Variants in NCAM2 observed in about 807,000 individuals in gnomAD.
The protein encoded by NCAM2 is N-CAM-2.
In NCAM2, 30 loss-of-function variants were observed where a neutral mutation model predicts 98.1. The ratio of observed to expected loss-of-function variants is 0.31; its 90% CI spans 0.23 to 0.41. NCAM2 has a LOEUF of 0.41. Among genes scored for constraint, NCAM2 ranks in the 10% least tolerant of loss-of-function variants. NCAM2 has a pLI of 1.00. For synonymous variants in NCAM2, 368 were observed against 342.4 expected, an observed-to-expected ratio of 1.07 and a Z score of -0.83; for missense variants, 867 against 1,005.8, an observed-to-expected ratio of 0.86 and a Z score of 1.87.
At position 21,372,878 on chromosome 21, in the gene NCAM2, C is replaced by T. The variant is rs552660296; in HGVS notation, c.1045-985C>T. ...CAAGTCAAAGCCATGTCATGTATAA[C>T]AGGTAATTACAAGAGAACATGTTTA... On this transcript the variant is annotated intron_variant, in intron 8 of 17. Transcript: ENST00000400546. 1.1e-4 allele frequency among the ~76,000 whole-genome samples: 16 copies of T among 151,902 alleles called. No homozygotes were observed. In the South Asian group the frequency reaches 1.9e-3, roughly 18 times the overall value.
intron 1 of NCAM2, among the ~76,000 whole-genome samples, chr21:21,159,066 A>T (rs2067700782): frequency 6.6e-6 from 1 of 152,124 alleles, no homozygotes; most frequent in African/African-American, 2.4e-5. Flanking sequence ...CAGTAGGCCT[A>T]TGCTAATGGC....
intron 1 of NCAM2, among the ~76,000 whole-genome samples, chr21:21,054,291 A>C (rs2065170840): frequency 6.6e-6 from 1 of 152,008 alleles, no homozygotes; most frequent in African/African-American, 2.4e-5. Context: ...ACCACACAGT[A>C]CAGTATTTCA....
At chr21:21,200,427 C>G (rs549832689) in intron 1 of NCAM2, among the ~76,000 whole-genome samples, 1 of 137,998 alleles carries the variant, frequency 7.2e-6, no homozygotes, top group Admixed American at 7.3e-5. Context: ...AAAAAAAAAG[C>G]CTTGAAATCT....
chr21:21,251,454 C>T (rs961886820), intron 1 of NCAM2, among the ~76,000 whole-genome samples: 1 of 152,088 alleles, frequency 6.6e-6, no homozygotes, highest in African/African-American at 2.4e-5. Flanking sequence ...TGGCTTCCAG[C>T]TTCATCCATG....
chr21:21,515,229 T>C lies in NCAM2; in HGVS notation c.2282+6174T>C, dbSNP rs1317084970. On this transcript the variant is annotated intron_variant, in intron 16 of 17. Coordinates refer to ENST00000400546, the MANE Select transcript of NCAM2 (RefSeq NM_004540.5). ...ACCTTATTCTTTCACATGCAGTCCT[T>C]TTGGGTTGCTGAATATGTTTAAGCA... Among the ~76,000 whole-genome samples the C allele has an allele frequency of 7.9e-5, 12 of 152,214 alleles. No individual in the cohort carries two copies. In the East Asian group the frequency reaches 2.3e-3, roughly 29 times the overall value.
chr21:21,157,584 T>C (rs1415741379), intron 1 of NCAM2, among the ~76,000 whole-genome samples: 1 of 152,154 alleles, frequency 6.6e-6, no homozygotes, highest in Admixed American at 6.5e-5. Flanking sequence ...GAGGAATTAA[T>C]TTAATTACAC....
At chr21:21,418,706 G>A in intron 11 of NCAM2, 137 bp downstream of exon 11, 1 of 707,550 alleles carries the variant, frequency 1.4e-6, no homozygotes, top group Admixed American at 2.4e-5. Flanking sequence ...GTAGACTGTG[G>A]TTACCAGAGG....
intron 8 of NCAM2, among the ~76,000 whole-genome samples, chr21:21,354,063 G>A (rs1464082390): frequency 1.3e-5 from 2 of 152,116 alleles, no homozygotes; most frequent in Non-Finnish European, 2.9e-5. Flanking sequence ...AAACATAACA[G>A]TAAGTAATTT....
chr21:21,094,090 ATTG>A (rs535928973), intron 1 of NCAM2, among the ~76,000 whole-genome samples: 188 of 152,090 alleles, frequency 1.2e-3, no homozygotes, highest in African/African-American at 4.4e-3. Context: ...TTTGACACAA[ATTG>A]TGTACTTAAT....
At position 21,338,589 on chromosome 21, in the gene NCAM2, C is replaced by A. The variant is rs528128490; in HGVS notation, c.1044+55C>A. On this transcript the variant is annotated intron_variant, in intron 8 of 17. Transcript: ENST00000400546. ...CATTACCATGCAATTTCAGTATTTT[C>A]AATATCATTAAATCACAAATTAGTC... 2.4e-5 allele frequency: 35 copies of A among 1,449,758 alleles called. 1 individual carries two copies. The East Asian group carries it at 3.1e-4, about 13-fold the overall frequency. 89.8% of individuals were successfully genotyped at this position (1,449,758 alleles called of 1,614,324 possible). A position where few individuals can be genotyped will look rare whatever the true frequency, so the allele number is the denominator to read the frequency against.
At chr21:21,150,133 AT>A (rs1160183011) in intron 1 of NCAM2, among the ~76,000 whole-genome samples, 2 of 152,008 alleles carry the variant, frequency 1.3e-5, no homozygotes, top group African/African-American at 4.8e-5. Context: ...TTGTGTTTTT[AT>A]TACTGTAAAT....
At chr21:21,113,040 T>C (rs2066485577) in intron 1 of NCAM2, among the ~76,000 whole-genome samples, 1 of 152,166 alleles carries the variant, frequency 6.6e-6, no homozygotes, top group Non-Finnish European at 1.5e-5. Flanking sequence ...CTCTTTATAT[T>C]AGGGGTATTG....
At chr21:21,273,291 A>ATGTT (rs2072600030) in intron 1 of NCAM2, among the ~76,000 whole-genome samples, 1 of 152,192 alleles carries the variant, frequency 6.6e-6, no homozygotes, top group Middle Eastern at 3.4e-3. Context: ...AATATCATAT[A>ATGTT]TGTTTGTAGT....
intron 16 of NCAM2, among the ~76,000 whole-genome samples, chr21:21,523,204 C>T (rs897506794): frequency 4.6e-5 from 7 of 152,118 alleles, no homozygotes; most frequent in Admixed American, 1.3e-4. Flanking sequence ...GCGATCCCAT[C>T]TGTCCATTTT....
intron 3 of NCAM2, among the ~76,000 whole-genome samples, chr21:21,285,130 A>G (rs1397150829): frequency 6.6e-6 from 1 of 151,820 alleles, no homozygotes; most frequent in Non-Finnish European, 1.5e-5. Context: ...TACCTATGTG[A>G]TATATGGAGT....
intron 9 of NCAM2, among the ~76,000 whole-genome samples, chr21:21,398,115 G>T (rs1396558093): frequency 6.6e-6 from 1 of 152,198 alleles, no homozygotes; most frequent in African/African-American, 2.4e-5. Flanking sequence ...ATTTGTAGCA[G>T]CCTAGTTGGA....
intron 9 of NCAM2, among the ~76,000 whole-genome samples, chr21:21,404,637 A>G (rs1008767614): frequency 2.6e-5 from 4 of 152,064 alleles, no homozygotes; most frequent in African/African-American, 7.2e-5. Context: ...ATGAGTGTAT[A>G]TATGTATATA....
chr21:21,083,087 G>C (rs2065841891), intron 1 of NCAM2, among the ~76,000 whole-genome samples: 1 of 152,168 alleles, frequency 6.6e-6, no homozygotes, highest in Non-Finnish European at 1.5e-5. Context: ...TTTGAGGTAA[G>C]GAAGCTCTAT....
At chr21:21,406,961 A>C (rs963714232) in intron 9 of NCAM2, among the ~76,000 whole-genome samples, 1 of 152,150 alleles carries the variant, frequency 6.6e-6, no homozygotes, top group African/African-American at 2.4e-5. Context: ...ACTTCTGCTT[A>C]TGCTATATTC....
Sources: allele counts gnomAD v4.1 joint callset (sites outside exome capture counted in the v4.1 genomes callset), GRCh38; gene constraint gnomAD v4.1.1; transcripts MANE v1.5; gene names NCBI Gene and HGNC (gene_info 2026-07-23, HGNC 2026-07-21).